Variants in FRMPD1 observed in about 807,000 individuals in gnomAD.
FRMPD1 encodes FERM and PDZ domain containing 1.
In FRMPD1, 76 loss-of-function variants were observed where a neutral mutation model predicts 117.8. The observed-to-expected ratio is 0.65, with a 90% confidence interval of 0.54 to 0.78. FRMPD1 has a LOEUF of 0.78. Ranked by LOEUF, FRMPD1 falls within the 30% of genes least tolerant of loss-of-function variation. The pLI, the probability that FRMPD1 is intolerant of heterozygous loss-of-function variation, is 0.00. For synonymous variants in FRMPD1, 783 were observed against 770.4 expected (o/e 1.02, Z -0.27); for missense variants, 1,786 against 1,964.5 (o/e 0.91, Z 1.72).
At chr9:37,609,051 G>C in the FRMPD1 span, among the ~76,000 whole-genome samples, 2 of 152,190 alleles carry the variant, frequency 1.3e-5, no homozygotes, top group African/African-American at 2.4e-5. Flanking sequence ...AGCACTTTGG[G>C]AGGCTGAGGC....
chr9:37,632,930 TTC>T, the FRMPD1 span, among the ~76,000 whole-genome samples: 2 of 147,618 alleles, frequency 1.4e-5, no homozygotes, highest in African/African-American at 4.9e-5. Context: ...ATATAATTTT[TTC>T]TTTTATATAT....
intron 9 of FRMPD1, 54 bp from the exon 10 acceptor site, chr9:37,732,250 G>A: frequency 6.3e-7 from 1 of 1,592,390 alleles, no homozygotes; most frequent in East Asian, 2.2e-5. Context: ...AGAGAACGAG[G>A]GGACACAGTA....
chr9:37,682,784 T>G (rs537506646), intron 1 of FRMPD1, among the ~76,000 whole-genome samples: 1 of 152,292 alleles, frequency 6.6e-6, no homozygotes, highest in East Asian at 1.9e-4. Flanking sequence ...AACAGATTCC[T>G]TACAGAGTTG....
At position 37,745,504 on chromosome 9, in the gene FRMPD1, G is replaced by A; in HGVS notation, c.3472G>A (p.Val1158Ile). 2 of 1,614,130 alleles carry A rather than the reference G, an allele frequency of 1.2e-6. No homozygotes were observed. Among genetic ancestry groups the A allele is most frequent in the Non-Finnish European group, 1.7e-6 (2 of 1,180,014 alleles). The change falls in exon 16 of 16, where the codon GTA (valine) becomes ATA (isoleucine). Residue 1158 changes from valine to isoleucine, a missense_variant. Coordinates refer to ENST00000377765, the MANE Select transcript of FRMPD1 (RefSeq NM_014907.3). ...TATTAGCTCTCCAGCTGGTAAAATA[G>A]TAACCTCCCTTTCTTTAGATGCTCC... The part of the protein sequence containing the change: ...LDISSPAGKI[V>I]TSLSLDAPVT...
chr9:37,654,483 A>G (rs1820780890), intron 1 of FRMPD1, among the ~76,000 whole-genome samples: 2 of 152,236 alleles, frequency 1.3e-5, no homozygotes, highest in African/African-American at 4.8e-5. Flanking sequence ...CTAACTAAAT[A>G]TATTCCACTA....
the FRMPD1 span, among the ~76,000 whole-genome samples, chr9:37,611,785 G>C: frequency 6.6e-6 from 1 of 152,172 alleles, no homozygotes; most frequent in South Asian, 2.1e-4. Flanking sequence ...TTAGTGCACA[G>C]AGCTTAATGC....
chr9:37,736,871 G>T (rs956549827), intron 13 of FRMPD1, among the ~76,000 whole-genome samples: 1 of 140,588 alleles, frequency 7.1e-6, no homozygotes, highest in Non-Finnish European at 1.6e-5. Context: ...GTGTGTGTGT[G>T]TGTGTGTATG....
intron 5 of FRMPD1, among the ~76,000 whole-genome samples, chr9:37,717,645 G>A (rs1254764983): frequency 6.6e-6 from 1 of 152,112 alleles, no homozygotes; most frequent in Non-Finnish European, 1.5e-5. Context: ...CTCCCAAAGC[G>A]CTGGGATTAC....
intron 14 of FRMPD1, 114 bp downstream of exon 14, chr9:37,737,357 G>T (rs1824184326): frequency 1.3e-6 from 1 of 779,926 alleles, no homozygotes; most frequent in Non-Finnish European, 2.1e-6. Context: ...CAGCTCAAGT[G>T]GATGAGAGCT....
chr9:37,606,365 A>G, the FRMPD1 span, among the ~76,000 whole-genome samples: 9 of 152,308 alleles, frequency 5.9e-5, no homozygotes, highest in South Asian at 1.9e-3. Context: ...TGGTGATGAA[A>G]GTGATGTCTG....
At chr9:37,639,286 G>A in the FRMPD1 span, among the ~76,000 whole-genome samples, 1 of 151,954 alleles carries the variant, frequency 6.6e-6, no homozygotes, top group East Asian at 1.9e-4. Flanking sequence ...AGCTTTGCAA[G>A]GGTATGATGT....
At chr9:37,605,473 G>C in the FRMPD1 span, among the ~76,000 whole-genome samples, 1 of 152,094 alleles carries the variant, frequency 6.6e-6, no homozygotes, top group African/African-American at 2.4e-5. Flanking sequence ...CACATACTGA[G>C]AACCCACTCT....
upstream of FRMPD1, among the ~76,000 whole-genome samples, chr9:37,647,742 G>C (rs1824168572): frequency 6.6e-6 from 1 of 152,156 alleles, no homozygotes; most frequent in Admixed American, 6.6e-5. Flanking sequence ...GCTGTATGCT[G>C]TACATAAGTA....
chr9:37,653,853 G>GGCTGAGGT, intron 1 of FRMPD1, among the ~76,000 whole-genome samples: 1 of 152,258 alleles, frequency 6.6e-6, no homozygotes, highest in African/African-American at 2.4e-5. Flanking sequence ...CTACTTGGGA[G>GGCTGAGGT]GCTGAGGTGC....
chr9:37,620,610 G>A, the FRMPD1 span, among the ~76,000 whole-genome samples: 1 of 152,134 alleles, frequency 6.6e-6, no homozygotes, highest in Admixed American at 6.5e-5. Flanking sequence ...TGATGTTCCA[G>A]CTGTCTGGTG....
the FRMPD1 span, among the ~76,000 whole-genome samples, chr9:37,604,741 A>G: frequency 6.6e-6 from 1 of 152,210 alleles, no homozygotes; most frequent in African/African-American, 2.4e-5. Context: ...CTCAGCATTG[A>G]AGTGGGCCAA....
intron 6 of FRMPD1, among the ~76,000 whole-genome samples, chr9:37,720,618 G>A (rs1236375053): frequency 2.6e-5 from 4 of 152,246 alleles, no homozygotes; most frequent in South Asian, 2.1e-4. Context: ...GCAGTGAGCC[G>A]AGATCGCGCC....
rs1002217 is a variant in FRMPD1 at position 37,682,274 on chromosome 9, G to A, written c.-4-10364G>A. Among the ~76,000 whole-genome samples, 848 of 152,270 alleles carry A rather than the reference G, an allele frequency of 5.6e-3. 25 individuals are homozygous for A. The highest frequency in any genetic ancestry group is 0.04 in the East Asian group (206 of 5,190). On this transcript the variant is annotated intron_variant, in intron 1 of 15. Coordinates refer to ENST00000377765, the MANE Select transcript of FRMPD1 (RefSeq NM_014907.3). ...GGAGTTATGGATTCCCACTATGTGG[G>A]GTTGTCATGAGGAGTGAATGAAATC...
Position 37,732,524 on chromosome 9 carries a change from T to C in FRMPD1, c.995+84T>C, listed in dbSNP as rs139360144. Reference sequence around the variant, plus strand: ...AGGGCCAGATGCCACAGAAAGCTGATAGTCACCCACCTACCCATCTGTCTG... The same window carrying C: ...AGGGCCAGATGCCACAGAAAGCTGACAGTCACCCACCTACCCATCTGTCTG... On this transcript the variant is annotated intron_variant, in intron 10 of 15. Transcript: ENST00000377765. The C allele has an allele frequency of 2.7e-4, 355 of 1,328,370 alleles. 1 individual carries two copies. The African/African-American group carries it at 4.7e-3, about 18-fold the overall frequency. The allele number at this position is 1,328,370 out of a possible 1,614,324, so 82.3% of individuals were successfully genotyped here. A position where few individuals can be genotyped will look rare whatever the true frequency, so the allele number is the denominator to read the frequency against.
Sources: gnomAD v4.1 joint callset for allele counts (sites outside exome capture counted in the v4.1 genomes callset) on GRCh38, gnomAD v4.1.1 for gene constraint, MANE v1.5 for transcripts, NCBI Gene and HGNC (gene_info 2026-07-23, HGNC 2026-07-21) for gene names.